The following DPYD variants were observed in gnomAD, a reference collection of about 807,000 sequenced individuals.
DPYD encodes dihydropyrimidine dehydrogenase [NADP(+)].
A neutral mutation model predicts 116.2 loss-of-function variants in DPYD; 109 were observed. The ratio of observed to expected loss-of-function variants is 0.94; its 90% CI spans 0.80 to 1.10. DPYD has a LOEUF of 1.10. Ranked by LOEUF, DPYD falls within the 50% of genes least tolerant of loss-of-function variation. DPYD has a pLI of 0.00. For missense variants in DPYD, 1,302 were observed against 1,254.5 expected (o/e 1.04, Z -0.57); for synonymous variants, 440 against 432.0 (o/e 1.02, Z -0.23).
At chr1:97,102,796 G>A (rs766801195) in intron 20 of DPYD, among the ~76,000 whole-genome samples, 2 of 151,828 alleles carry the variant, frequency 1.3e-5, no homozygotes, top group African/African-American at 2.4e-5. Context: ...ATTCATTAAG[G>A]GCTAGTGTCA....
At chr1:97,449,962 T>C (rs1035879675) in intron 14 of DPYD, 97 bp downstream of exon 14, 14 of 1,463,646 alleles carry the variant, frequency 9.6e-6, no homozygotes, top group Middle Eastern at 3.5e-4. Context: ...TAATAAAATA[T>C]ACACATTAAT....
At position 97,595,150 on chromosome 1, in the gene DPYD, A is replaced by C. The variant is rs1557825474; in HGVS notation, c.867T>G (p.Asn289Lys). 1 of 1,613,594 alleles carries C rather than the reference A, an allele frequency of 6.2e-7. No individual in the cohort carries two copies. The highest frequency in any genetic ancestry group is 1.7e-5 in the Admixed American group (1 of 60,014). The change falls in exon 9 of 23, where the codon AAT becomes AAG. Residue 289 changes from asparagine (N) to lysine (K), a missense_variant. Coordinates refer to ENST00000370192, the MANE Select transcript of DPYD (RefSeq NM_000110.4). ...TCAGGCCTTGGAAGATGGCATCTTTATTGGGTTCTGGCAAACCTAAGTAAT... is the reference window on the plus strand; with the variant it reads ...TCAGGCCTTGGAAGATGGCATCTTTCTTGGGTTCTGGCAAACCTAAGTAAT... ...AFIGIGLPEP[N>K]KDAIFQGLTQ...
At chr1:97,892,364 T>C (rs929001944) in intron 1 of DPYD, among the ~76,000 whole-genome samples, 1 of 151,818 alleles carries the variant, frequency 6.6e-6, no homozygotes, top group Admixed American at 6.6e-5. Flanking sequence ...CAGCCAGTTA[T>C]CCCACGCTTC....
At chr1:97,873,140 CT>C (rs1397841785) in intron 2 of DPYD, among the ~76,000 whole-genome samples, 4 of 151,880 alleles carry the variant, frequency 2.6e-5, no homozygotes, top group Admixed American at 1.3e-4. Flanking sequence ...CAAATGCCCA[CT>C]TAGCTGTCTG....
At chr1:97,740,108 A>G (rs541521381) in intron 4 of DPYD, among the ~76,000 whole-genome samples, 25 of 152,272 alleles carry the variant, frequency 1.6e-4, no homozygotes, top group African/African-American at 5.1e-4. Flanking sequence ...GTATTTAGCA[A>G]GCATAAACTA....
chr1:97,862,551 A>G (rs1469722803), intron 2 of DPYD, among the ~76,000 whole-genome samples: 3 of 151,876 alleles, frequency 2.0e-5, no homozygotes, highest in Non-Finnish European at 4.4e-5. Flanking sequence ...TTTTATATTC[A>G]CCAGTATCTA....
At chr1:97,145,640 A>C (rs764968487) in intron 20 of DPYD, among the ~76,000 whole-genome samples, 1 of 152,144 alleles carries the variant, frequency 6.6e-6, no homozygotes, top group Non-Finnish European at 1.5e-5. Context: ...ATTACTCTGC[A>C]TCTGCCAGTC....
At chr1:97,570,669 T>C (rs926969207) in intron 11 of DPYD, among the ~76,000 whole-genome samples, 2 of 151,904 alleles carry the variant, frequency 1.3e-5, no homozygotes, top group East Asian at 1.9e-4. Context: ...TTTGCAATAA[T>C]AGTGAATTTG....
chr1:97,444,776 C>T (rs1675984823), intron 14 of DPYD, among the ~76,000 whole-genome samples: 1 of 152,112 alleles, frequency 6.6e-6, no homozygotes, highest in African/African-American at 2.4e-5. Context: ...GACATAGGTT[C>T]TTAACCGGCG....
chr1:97,551,452 G>GCT (rs1458853442), intron 11 of DPYD, among the ~76,000 whole-genome samples: 2 of 151,986 alleles, frequency 1.3e-5, no homozygotes, highest in Non-Finnish European at 2.9e-5. Context: ...TATGTAATGA[G>GCT]CTTTATAAAT....
intron 8 of DPYD, among the ~76,000 whole-genome samples, chr1:97,618,349 T>G (rs1001322892): frequency 5.9e-5 from 9 of 151,538 alleles, no homozygotes; most frequent in South Asian, 2.1e-4. Context: ...TCATTAGACA[T>G]GTAATTATTC....
At chr1:97,835,236 A>C (rs1159747536) in intron 2 of DPYD, among the ~76,000 whole-genome samples, 1 of 152,128 alleles carries the variant, frequency 6.6e-6, no homozygotes, top group Non-Finnish European at 1.5e-5. Context: ...TCTTACAAAA[A>C]TGCTTAACAT....
intron 16 of DPYD, among the ~76,000 whole-genome samples, chr1:97,343,737 G>T (rs770216382): frequency 2.6e-5 from 4 of 151,966 alleles, no homozygotes; most frequent in African/African-American, 4.8e-5. Flanking sequence ...ATATATGAGT[G>T]CTAAAGCTAC....
intron 18 of DPYD, among the ~76,000 whole-genome samples, chr1:97,282,946 C>G (rs761429998): frequency 4.8e-4 from 73 of 152,076 alleles, no homozygotes; most frequent in Non-Finnish European, 7.1e-4. Context: ...ACCGCATTTT[C>G]TTTATTCAGT....
intron 8 of DPYD, among the ~76,000 whole-genome samples, chr1:97,678,070 G>A (rs61789249): frequency 2.6e-5 from 4 of 152,166 alleles, no homozygotes; most frequent in Non-Finnish European, 5.9e-5. Flanking sequence ...CAGTTTCATG[G>A]AAGAAAATTT....
At chr1:97,342,578 G>A (rs12746909) in intron 16 of DPYD, among the ~76,000 whole-genome samples, 2,334 of 152,166 alleles carry the variant, frequency 0.015, 35 homozygotes, top group South Asian at 0.022. Flanking sequence ...ACAAATATGC[G>A]TATCAAAGTC....
chr1:97,830,018 G>A (rs900350347), intron 2 of DPYD, among the ~76,000 whole-genome samples: 1 of 151,790 alleles, frequency 6.6e-6, no homozygotes, highest in African/African-American at 2.4e-5. Context: ...CTCTCCTTGT[G>A]ATAGTTTGCT....
chr1:97,748,531 C>A (rs1664688285), intron 3 of DPYD, among the ~76,000 whole-genome samples: 1 of 151,970 alleles, frequency 6.6e-6, no homozygotes, highest in African/African-American at 2.4e-5. Flanking sequence ...ATCACTTGAA[C>A]CTGGGAGGCG....
At chr1:97,695,414 T>C (rs572452932) in intron 6 of DPYD, among the ~76,000 whole-genome samples, 2 of 148,978 alleles carry the variant, frequency 1.3e-5, no homozygotes, top group African/African-American at 2.5e-5. Context: ...CATCATTTTT[T>C]AAAAACTTCC....
Sources: gnomAD v4.1 joint callset for allele counts (sites outside exome capture counted in the v4.1 genomes callset) on GRCh38, gnomAD v4.1.1 for gene constraint, MANE v1.5 for transcripts, NCBI Gene and HGNC (gene_info 2026-07-23, HGNC 2026-07-21) for gene names.